The following PMEPA1 variants were observed in gnomAD, a reference collection of about 807,000 sequenced individuals.
PMEPA1 encodes the protein protein TMEPAI.
Under a neutral mutation model 23.0 loss-of-function variants are expected in PMEPA1, and 11 were observed. That is an observed-to-expected ratio of 0.48 (90% CI 0.30 to 0.79). The LOEUF is 0.79. PMEPA1 is among the 30% of genes least tolerant of loss of function. PMEPA1 has a pLI of 0.06. For missense variants in PMEPA1, 377 were observed against 390.9 expected, an observed-to-expected ratio of 0.96 and a Z score of 0.30; for synonymous variants, 204 against 166.4, an observed-to-expected ratio of 1.23 and a Z score of -1.74.
At chr20:57,705,418 A>G (rs889260209) in intron 1 of PMEPA1, among the ~76,000 whole-genome samples, 2 of 152,206 alleles carry the variant, frequency 1.3e-5, no homozygotes, top group African/African-American at 2.4e-5. Context: ...GAAAAGTCCC[A>G]GGGTTTAGCG....
At chr20:57,699,884 A>G in intron 1 of PMEPA1, 1 of 384,618 alleles carries the variant, frequency 2.6e-6, no homozygotes, top group South Asian at 1.9e-5. Flanking sequence ...AAGGGACCTC[A>G]GAGAAGCCTC....
rs531386477 is a variant in PMEPA1, at chr20:57,708,928, C to T, written c.109+546G>A. 1.9e-3 allele frequency among the ~76,000 whole-genome samples: 296 copies of T among 152,146 alleles called. 5 individuals are homozygous for T. In the South Asian group the frequency reaches 0.03, roughly 16 times the overall value. On this transcript the variant is annotated intron_variant, in intron 1 of 3. Coordinates refer to ENST00000341744, the MANE Select transcript of PMEPA1 (RefSeq NM_020182.5). Reference sequence around the variant, plus strand: ...GACCGCGACTCAGACCCCCAGACACCCCGAGAGACGCCGAAGACCCAGACA... The same window carrying T: ...GACCGCGACTCAGACCCCCAGACACTCCGAGAGACGCCGAAGACCCAGACA...
At chr20:57,687,867 A>G (rs530601798) in intron 1 of PMEPA1, among the ~76,000 whole-genome samples, 9 of 152,232 alleles carry the variant, frequency 5.9e-5, no homozygotes, top group Non-Finnish European at 1.2e-4. Context: ...CCAGCCCACA[A>G]GGGCCCCCAG....
At chr20:57,691,886 C>G (rs2071887266) in intron 1 of PMEPA1, 1 of 152,334 alleles carries the variant, frequency 6.6e-6, no homozygotes, top group Non-Finnish European at 1.5e-5. Flanking sequence ...AGAGGGGAAA[C>G]AGAACCCTGG....
chr20:57,666,716 G>A (rs2071497850), intron 1 of PMEPA1, among the ~76,000 whole-genome samples: 1 of 152,216 alleles, frequency 6.6e-6, no homozygotes, highest in Non-Finnish European at 1.5e-5. Flanking sequence ...CCAGCGCAGA[G>A]CAAAATCCGG....
intron 1 of PMEPA1, among the ~76,000 whole-genome samples, chr20:57,673,752 A>G (rs767170873): frequency 6.6e-6 from 1 of 152,216 alleles, no homozygotes; most frequent in Non-Finnish European, 1.5e-5. Flanking sequence ...CAGCCAGTCA[A>G]CACATGATCA....
intron 1 of PMEPA1, among the ~76,000 whole-genome samples, chr20:57,695,725 G>C (rs1251128324): frequency 6.6e-6 from 1 of 152,196 alleles, no homozygotes; most frequent in African/African-American, 2.4e-5. Context: ...AGTGGCCTGA[G>C]TTTCCTCCTC....
chr20:57,695,231 G>A (rs780352915), intron 1 of PMEPA1, among the ~76,000 whole-genome samples: 90 of 152,368 alleles, frequency 5.9e-4, no homozygotes, highest in Middle Eastern at 3.4e-3. Context: ...CGGGCAGGCG[G>A]TGGCTCTGGG....
chr20:57,681,890 G>A (rs944900520), intron 1 of PMEPA1, among the ~76,000 whole-genome samples: 1 of 152,088 alleles, frequency 6.6e-6, no homozygotes, highest in Non-Finnish European at 1.5e-5. Flanking sequence ...TCTTCCCACC[G>A]CTGACTCCTT....
Position 57,684,519 on chromosome 20 carries a change from G to A in PMEPA1, c.110-24822C>T, listed in dbSNP as rs540121986. On this transcript the variant is annotated intron_variant, in intron 1 of 3. Transcript: ENST00000341744. ...AGGAGCCAAAGTGGGACCACTTTCT[G>A]GTTGCTGGCAGGACGATGCCTATTT... Among the ~76,000 whole-genome samples the A allele has an allele frequency of 2.1e-3, 320 of 152,296 alleles. 1 individual carries two copies. Among genetic ancestry groups the A allele is most frequent in the Middle Eastern group, 3.4e-3 (1 of 294 alleles).
chr20:57,687,849 A>T (rs2071821362), intron 1 of PMEPA1, among the ~76,000 whole-genome samples: 1 of 151,532 alleles, frequency 6.6e-6, no homozygotes, highest in Non-Finnish European at 1.5e-5. Flanking sequence ...GCTTGCCCAA[A>T]CTCATTTCCA....
At chr20:57,692,843 G>C (rs889505803) in intron 1 of PMEPA1, among the ~76,000 whole-genome samples, 1 of 152,246 alleles carries the variant, frequency 6.6e-6, no homozygotes, top group Non-Finnish European at 1.5e-5. Flanking sequence ...CAATGTCTCA[G>C]GGAGCAGGGG....
At chr20:57,692,009 T>A (rs767104448) in intron 1 of PMEPA1, among the ~76,000 whole-genome samples, 4 of 152,120 alleles carry the variant, frequency 2.6e-5, no homozygotes, top group Non-Finnish European at 4.4e-5. Context: ...ACTTTTCACA[T>A]CCCATCACCC....
At chr20:57,669,949 G>C (rs1220437354) in intron 1 of PMEPA1, among the ~76,000 whole-genome samples, 1 of 152,186 alleles carries the variant, frequency 6.6e-6, no homozygotes, top group African/African-American at 2.4e-5. Context: ...AGGCTTCCCA[G>C]GTGGTCTCTG....
In PMEPA1 at chr20:57,706,346, A is replaced by G. The variant is rs139685406; in HGVS notation, c.109+3128T>C. Among the ~76,000 whole-genome samples, 74 of 152,356 alleles carry G rather than the reference A, an allele frequency of 4.9e-4. 1 individual carries two copies. The East Asian group carries it at 0.014, about 29-fold the overall frequency. Reference sequence around the variant, plus strand: ...CTGAAATGAGGTAGATGAGGTTGCCAGGAAAACCAGGTGCCAGGAGTCCTT... The same window carrying G: ...CTGAAATGAGGTAGATGAGGTTGCCGGGAAAACCAGGTGCCAGGAGTCCTT... On this transcript the variant is annotated intron_variant, in intron 1 of 3. Coordinates refer to ENST00000341744, the MANE Select transcript of PMEPA1 (RefSeq NM_020182.5).
rs949357238 is a variant in PMEPA1, at chr20:57,649,474, C to T, written c.*2579G>A. Reference sequence around the variant, plus strand: ...AGAGGGACAGGCTCTGTCCTCAAGCCGGCTGAGGGCAGCAACCACTCTCCT... The same window carrying T: ...AGAGGGACAGGCTCTGTCCTCAAGCTGGCTGAGGGCAGCAACCACTCTCCT... On this transcript the variant is annotated 3_prime_UTR_variant, in exon 4 of 4. Transcript: ENST00000341744. The T allele has an allele frequency of 1.3e-5, 2 of 152,324 alleles. No homozygotes were observed. The highest frequency in any genetic ancestry group is 3.4e-3 in the Middle Eastern group (1 of 294). 9.4% of individuals were successfully genotyped at this position (152,324 alleles called of 1,614,324 possible).
At chr20:57,705,304 G>A (rs1314995331) in intron 1 of PMEPA1, among the ~76,000 whole-genome samples, 4 of 152,206 alleles carry the variant, frequency 2.6e-5, no homozygotes, top group African/African-American at 9.6e-5. Flanking sequence ...GGGAAGCTGA[G>A]GCCAACTGTC....
intron 2 of PMEPA1, among the ~76,000 whole-genome samples, chr20:57,657,779 C>T (rs1474857433): frequency 1.3e-5 from 2 of 152,246 alleles, no homozygotes; most frequent in Admixed American, 6.5e-5. Context: ...GCTGACTTGG[C>T]TCAGCCCAGG....
chr20:57,675,247 T>C (rs1047677718), intron 1 of PMEPA1, among the ~76,000 whole-genome samples: 1 of 149,400 alleles, frequency 6.7e-6, no homozygotes, highest in Non-Finnish European at 1.5e-5. Context: ...CCCGGTGCTG[T>C]GATATCTGTT....
Sources: allele counts gnomAD v4.1 joint callset (sites outside exome capture counted in the v4.1 genomes callset), GRCh38; gene constraint gnomAD v4.1.1; transcripts MANE v1.5; gene names NCBI Gene and HGNC (gene_info 2026-07-23, HGNC 2026-07-21).